PARD3B: variants seen among roughly 807,000 people sequenced by gnomAD.
The protein encoded by PARD3B is partitioning defective 3 homolog B.
In PARD3B, 103 loss-of-function variants were observed where a neutral mutation model predicts 130.2. That is an observed-to-expected ratio of 0.79 (90% confidence interval 0.67 to 0.93). PARD3B has a LOEUF of 0.93. Ranked by LOEUF, PARD3B falls within the 40% of genes least tolerant of loss-of-function variation. The pLI, the probability that PARD3B is intolerant of heterozygous loss-of-function variation, is 0.00. For synonymous variants in PARD3B, 583 were observed against 553.2 expected, an observed-to-expected ratio of 1.05 and a Z score of -0.76; for missense variants, 1,609 against 1,499.2, an observed-to-expected ratio of 1.07 and a Z score of -1.21.
At chr2:205,126,545 T>C (rs2031419349) in intron 10 of PARD3B, among the ~76,000 whole-genome samples, 1 of 150,228 alleles carries the variant, frequency 6.7e-6, no homozygotes, top group African/African-American at 2.5e-5. Flanking sequence ...ATCGAGACCA[T>C]CCTGGCTAAC....
chr2:204,666,259 G>A (rs143226536), intron 1 of PARD3B, among the ~76,000 whole-genome samples: 1 of 152,134 alleles, frequency 6.6e-6, no homozygotes, highest in African/African-American at 2.4e-5. Flanking sequence ...TGGTGGGTGC[G>A]ATGGAATAAT....
At chr2:204,760,379 C>T (rs991131504) in intron 2 of PARD3B, among the ~76,000 whole-genome samples, 1 of 151,652 alleles carries the variant, frequency 6.6e-6, no homozygotes, top group African/African-American at 2.4e-5. Context: ...TAAATCATGA[C>T]AAAAAGCTTA....
intron 2 of PARD3B, among the ~76,000 whole-genome samples, chr2:204,958,610 G>A (rs1217886370): frequency 2.0e-5 from 3 of 152,176 alleles, no homozygotes; most frequent in Non-Finnish European, 2.9e-5. Flanking sequence ...GGATAAACAA[G>A]TCAAGTGGGA....
intron 16 of PARD3B, among the ~76,000 whole-genome samples, chr2:205,295,256 G>A (rs921969649): frequency 6.6e-6 from 1 of 152,110 alleles, no homozygotes; most frequent in African/African-American, 2.4e-5. Context: ...AGCAGGAAAG[G>A]CGTTTCTATT....
At chr2:205,313,386 C>T (rs2042456341) in intron 18 of PARD3B, among the ~76,000 whole-genome samples, 1 of 152,068 alleles carries the variant, frequency 6.6e-6, no homozygotes, top group South Asian at 2.1e-4. Flanking sequence ...TTTTTGAGCA[C>T]ATGTTCATGG....
At chr2:204,579,321 C>G (rs111611172) in intron 1 of PARD3B, among the ~76,000 whole-genome samples, 353 of 151,996 alleles carry the variant, frequency 2.3e-3, no homozygotes, top group African/African-American at 8.1e-3. Flanking sequence ...AGGCCAGGGT[C>G]CGGTCCCTCC....
At chr2:204,650,707 A>G (rs2035447027) in intron 1 of PARD3B, among the ~76,000 whole-genome samples, 2 of 152,152 alleles carry the variant, frequency 1.3e-5, no homozygotes, top group Admixed American at 1.3e-4. Context: ...TGACAACTGT[A>G]TCAGTCCATT....
At chr2:205,377,850 A>C (rs547418034) in intron 18 of PARD3B, among the ~76,000 whole-genome samples, 2 of 144,512 alleles carry the variant, frequency 1.4e-5, no homozygotes, top group South Asian at 4.3e-4. Context: ...GGCTCACTGC[A>C]ACCTCCGTCT....
rs1174971827 is a variant in PARD3B, at chr2:205,081,307, A to G, written c.505-23119A>G. Among the ~76,000 whole-genome samples the G allele has an allele frequency of 3.3e-5, 5 of 152,132 alleles. No homozygotes were observed. In the South Asian group the frequency reaches 8.3e-4, roughly 25 times the overall value. On this transcript the variant is annotated intron_variant, in intron 4 of 22. Transcript: ENST00000406610. ...TTTATTTTTTTCTGTGGCATAATCTAGAGTTACATTTGTGTTTTAAAAATA... is the reference window on the plus strand; with the variant it reads ...TTTATTTTTTTCTGTGGCATAATCTGGAGTTACATTTGTGTTTTAAAAATA...
At chr2:204,700,708 A>G (rs533699386) in intron 2 of PARD3B, among the ~76,000 whole-genome samples, 2 of 152,132 alleles carry the variant, frequency 1.3e-5, no homozygotes, top group African/African-American at 4.8e-5. Context: ...AAATGCTTTA[A>G]GAATTCATCT....
intron 15 of PARD3B, among the ~76,000 whole-genome samples, chr2:205,226,603 T>G (rs767699044): frequency 3.3e-5 from 5 of 152,192 alleles, no homozygotes; most frequent in Admixed American, 6.5e-5. Flanking sequence ...CAGTACCGTT[T>G]ATTGAAGAGA....
intron 21 of PARD3B, among the ~76,000 whole-genome samples, chr2:205,538,671 G>A (rs773111292): frequency 5.9e-5 from 9 of 152,010 alleles, no homozygotes; most frequent in Non-Finnish European, 1.2e-4. Flanking sequence ...TACCGTTTTC[G>A]GAATAGTATC....
rs148316824 is a variant in PARD3B, at chr2:205,003,867, G to A, written c.394+38544G>A. 3.3e-5 allele frequency among the ~76,000 whole-genome samples: 5 copies of A among 152,308 alleles called. No homozygotes were observed. The East Asian group carries it at 7.7e-4, about 24-fold the overall frequency. On this transcript the variant is annotated intron_variant, in intron 3 of 22. Transcript: ENST00000406610. Reference sequence around the variant, plus strand: ...TTTGTGTGCATCAGATCTTCCGCATGCCTCCAAGAGGGGCATGATATGGTT... The same window carrying A: ...TTTGTGTGCATCAGATCTTCCGCATACCTCCAAGAGGGGCATGATATGGTT...
intron 21 of PARD3B, among the ~76,000 whole-genome samples, chr2:205,529,610 C>A (rs1371028497): frequency 1.3e-5 from 2 of 151,998 alleles, no homozygotes; most frequent in Non-Finnish European, 2.9e-5. Context: ...CAAAAAGAAA[C>A]CTATTGATTG....
chr2:205,448,964 C>G (rs930193181), intron 20 of PARD3B, among the ~76,000 whole-genome samples: 1 of 151,756 alleles, frequency 6.6e-6, no homozygotes, highest in Admixed American at 6.6e-5. Flanking sequence ...GTCAGGAGTT[C>G]GAGACCAGCC....
intron 2 of PARD3B, among the ~76,000 whole-genome samples, chr2:204,711,144 A>G (rs941768677): frequency 2.6e-5 from 4 of 152,230 alleles, no homozygotes; most frequent in East Asian, 3.8e-4. Context: ...AAATTAAATT[A>G]TAGCATATTT....
intron 2 of PARD3B, among the ~76,000 whole-genome samples, chr2:204,721,720 T>G (rs2039006410): frequency 6.6e-6 from 1 of 152,168 alleles, no homozygotes; most frequent in Admixed American, 6.6e-5. Flanking sequence ...GTAGTCAGTA[T>G]CCTTTTGGCC....
At position 205,461,603 on chromosome 2, in the gene PARD3B, T is replaced by C. The variant is rs2048457763; in HGVS notation, c.3044+20931T>C. Among the ~76,000 whole-genome samples the C allele has an allele frequency of 6.6e-6, 1 of 152,192 alleles. No homozygotes were observed. The highest frequency in any genetic ancestry group is 2.4e-5 in the African/African-American group (1 of 41,454). On this transcript the variant is annotated intron_variant, in intron 20 of 22. Transcript: ENST00000406610. The surrounding 1 kb of genome is among the most constrained non-coding windows in gnomAD (Gnocchi z 4.3). ...TCAGGGCTATGAGGTGCCTTATTAA[T>C]GTGATAAATGTTTGCTCCTTGGTCA...
chr2:204,929,620 A>G (rs1204296742), intron 2 of PARD3B, among the ~76,000 whole-genome samples: 1 of 152,020 alleles, frequency 6.6e-6, no homozygotes, highest in Non-Finnish European at 1.5e-5. Flanking sequence ...TGTAAATTGA[A>G]TAATTTTTTT....
Sources: gnomAD v4.1 joint callset for allele counts (sites outside exome capture counted in the v4.1 genomes callset) on GRCh38, gnomAD v4.1.1 for gene constraint, Gnocchi (gnomAD v3.1) non-coding constraint, MANE v1.5 for transcripts, NCBI Gene and HGNC (gene_info 2026-07-23, HGNC 2026-07-21) for gene names.